NUDT3: variants seen among roughly 807,000 people sequenced by gnomAD.
The protein encoded by NUDT3 is diphosphoinositol polyphosphate phosphohydrolase 1.
Under a neutral mutation model 23.6 loss-of-function variants are expected in NUDT3, and 9 were observed. That is an observed-to-expected ratio of 0.38 (90% CI 0.23 to 0.66). The LOEUF is 0.66. Among genes scored for constraint, NUDT3 ranks in the 30% least tolerant of loss-of-function variants. The pLI, the probability that NUDT3 is intolerant of heterozygous loss-of-function variation, is 0.52. For missense variants in NUDT3, 172 were observed against 218.5 expected (o/e 0.79, Z 1.34); for synonymous variants, 86 against 82.6 (o/e 1.04, Z -0.22).
chr6:34,338,102 C>T (rs540909882), intron 2 of NUDT3, among the ~76,000 whole-genome samples: 1 of 152,232 alleles, frequency 6.6e-6, no homozygotes, highest in South Asian at 2.1e-4. Context: ...CACAATCATA[C>T]CTGCCCTTCA....
At chr6:34,314,312 G>T (rs955782931) in intron 2 of NUDT3, among the ~76,000 whole-genome samples, 1 of 151,540 alleles carries the variant, frequency 6.6e-6, no homozygotes. Context: ...CAGCACTTTG[G>T]AAGGCCGAGG....
intron 1 of NUDT3, among the ~76,000 whole-genome samples, chr6:34,382,198 C>A (rs919439599): frequency 6.6e-6 from 1 of 151,596 alleles, no homozygotes; most frequent in Non-Finnish European, 1.5e-5. Context: ...GAGTTCCAGA[C>A]CAGTCTGGGC....
At position 34,307,730 on chromosome 6, in the gene NUDT3, AG is replaced by A. The variant is rs200427361; in HGVS notation, c.211-12046del. On this transcript the variant is annotated intron_variant, in intron 2 of 4. Transcript: ENST00000607016. ...AAAGGCAGAGAAAGAATGGAAGAACAGGAACAGAGAACAAAGGGCAATGGAC... is the reference window on the plus strand; with the variant it reads ...AAAGGCAGAGAAAGAATGGAAGAACAGAACAGAGAACAAAGGGCAATGGAC... 2.6e-5 allele frequency among the ~76,000 whole-genome samples: 4 copies of A among 152,340 alleles called. No homozygotes were observed. In the East Asian group the frequency reaches 7.7e-4, roughly 29 times the overall value.
At chr6:34,381,559 C>A (rs1465598347) in intron 1 of NUDT3, among the ~76,000 whole-genome samples, 1 of 151,842 alleles carries the variant, frequency 6.6e-6, no homozygotes, top group Non-Finnish European at 1.5e-5. Context: ...TACAGAAATT[C>A]TCTGGACTGT....
chr6:34,376,355 T>G (rs1179032063), intron 1 of NUDT3, among the ~76,000 whole-genome samples: 1 of 152,130 alleles, frequency 6.6e-6, no homozygotes, highest in African/African-American at 2.4e-5. Flanking sequence ...TGGCATCTAG[T>G]GCAGCCTCGA....
At chr6:34,325,584 G>A (rs1200643639) in intron 2 of NUDT3, among the ~76,000 whole-genome samples, 1 of 152,100 alleles carries the variant, frequency 6.6e-6, no homozygotes. Context: ...CTAGGAGGGC[G>A]GAATAAAGAT....
chr6:34,366,268 C>T (rs986829710), intron 1 of NUDT3, among the ~76,000 whole-genome samples: 12 of 149,876 alleles, frequency 8.0e-5, no homozygotes, highest in South Asian at 6.4e-4. Flanking sequence ...CCAGCTACTG[C>T]GGAGGGCTGG....
At position 34,295,792 on chromosome 6, in the gene NUDT3, C is replaced by G; in HGVS notation, c.211-107G>C. On this transcript the variant is annotated intron_variant, in intron 2 of 4. Coordinates refer to ENST00000607016, the MANE Select transcript of NUDT3 (RefSeq NM_006703.4). ...AATAGAAACAAAAAACAAGAGGACA[C>G]AGCTTGGGCAGACTCCACGATCTGT... The G allele has an allele frequency of 5.9e-6, 8 of 1,360,544 alleles. No individual in the cohort carries two copies. In the South Asian group the frequency reaches 1.0e-4, roughly 17 times the overall value. The allele number at this position is 1,360,544 out of a possible 1,614,324, so 84.3% of individuals were successfully genotyped here.
chr6:34,350,146 T>C (rs1303094072), intron 1 of NUDT3, among the ~76,000 whole-genome samples: 5 of 150,940 alleles, frequency 3.3e-5, no homozygotes, highest in South Asian at 2.1e-4. Flanking sequence ...ATCTATGCCA[T>C]AGGAAATCTT....
At chr6:34,320,036 TTC>T (rs986976944) in intron 2 of NUDT3, among the ~76,000 whole-genome samples, 2 of 152,090 alleles carry the variant, frequency 1.3e-5, no homozygotes, top group African/African-American at 4.8e-5. Context: ...AAAGAGAAAC[TTC>T]TGTCTCCTTT....
Position 34,392,455 on chromosome 6 carries a change from T to A in NUDT3, c.-93A>T. The A allele has an allele frequency of 1.1e-6, 1 of 879,018 alleles. No individual in the cohort carries two copies. The highest frequency in any genetic ancestry group is 3.0e-5 in the East Asian group (1 of 33,194). 54.5% of individuals were successfully genotyped at this position (879,018 alleles called of 1,614,324 possible). A position where few individuals can be genotyped will look rare whatever the true frequency, so the allele number is the denominator to read the frequency against. ...GGCCGCGTGCGCGCGCGCCCCCGGC[T>A]CGGCCAAGGGAAGCAGGGAGGGGGA... is the stretch of plus-strand genomic sequence containing the variant. On this transcript the variant is annotated 5_prime_UTR_variant, in exon 1 of 5. Coordinates refer to ENST00000607016, the MANE Select transcript of NUDT3 (RefSeq NM_006703.4).
intron 1 of NUDT3, among the ~76,000 whole-genome samples, chr6:34,384,279 G>A (rs1245591567): frequency 6.6e-6 from 1 of 152,134 alleles, no homozygotes; most frequent in East Asian, 1.9e-4. Flanking sequence ...AGAGATATAG[G>A]GCTTCTAGTG....
chr6:34,328,479 G>A (rs139838541), intron 2 of NUDT3, among the ~76,000 whole-genome samples: 3 of 152,146 alleles, frequency 2.0e-5, no homozygotes, highest in South Asian at 2.1e-4. Context: ...ATGAAAAAAC[G>A]GAAAGTACAA....
At position 34,311,269 on chromosome 6, in the gene NUDT3, T is replaced by C. The variant is rs1057440047; in HGVS notation, c.211-15584A>G. 7.2e-5 allele frequency among the ~76,000 whole-genome samples: 11 copies of C among 152,290 alleles called. No individual in the cohort carries two copies. In the East Asian group the frequency reaches 1.2e-3, roughly 16 times the overall value. On this transcript the variant is annotated intron_variant, in intron 2 of 4. Transcript: ENST00000607016. ...TACAAGGGTAATGTACAAAAGTCAA[T>C]TGCTTTTCTACATCCCAAGAATAAA...
chr6:34,336,137 TGGGC>T (rs1459559972), intron 2 of NUDT3, among the ~76,000 whole-genome samples: 2 of 151,960 alleles, frequency 1.3e-5, no homozygotes, highest in Non-Finnish European at 2.9e-5. Flanking sequence ...GGCATGGTGG[TGGGC>T]ATCTGTAATC....
intron 1 of NUDT3, among the ~76,000 whole-genome samples, chr6:34,384,774 G>A (rs1445760197): frequency 1.3e-5 from 2 of 152,184 alleles, no homozygotes; most frequent in Non-Finnish European, 2.9e-5. Flanking sequence ...TCTCATGCAT[G>A]TAATCCTAGC....
intron 2 of NUDT3, among the ~76,000 whole-genome samples, chr6:34,297,092 C>T (rs1408636430): frequency 4.0e-5 from 6 of 151,690 alleles, no homozygotes; most frequent in Admixed American, 1.3e-4. Flanking sequence ...CCACCACGCC[C>T]GGCTAATTTT....
chr6:34,337,689 T>G (rs1764229550), intron 2 of NUDT3, among the ~76,000 whole-genome samples: 1 of 151,456 alleles, frequency 6.6e-6, no homozygotes, highest in Admixed American at 6.6e-5. Flanking sequence ...ACAGCAACAG[T>G]GACAACAAAT....
rs935499409 is a variant in NUDT3, at chr6:34,349,741, T to C, written c.100-7769A>G. ...CCTACTGCCAAGGGTATAGTGGGCA[T>C]AGATATACTCCAGAGATCCTAGGTT... On this transcript the variant is annotated intron_variant, in intron 1 of 4. Coordinates refer to ENST00000607016, the MANE Select transcript of NUDT3 (RefSeq NM_006703.4). Among the ~76,000 whole-genome samples the C allele has an allele frequency of 2.3e-4, 34 of 150,564 alleles. 3 individuals are homozygous for C. The highest frequency in any genetic ancestry group is 8.4e-4 in the African/African-American group (34 of 40,386).
Sources: allele counts gnomAD v4.1 joint callset (sites outside exome capture counted in the v4.1 genomes callset), GRCh38; gene constraint gnomAD v4.1.1; transcripts MANE v1.5; gene names NCBI Gene and HGNC (gene_info 2026-07-23, HGNC 2026-07-21).